Variants in HOXC4 observed in about 807,000 individuals in gnomAD.
The protein encoded by HOXC4 is homeobox protein Hox-C4.
A neutral mutation model predicts 25.5 loss-of-function variants in HOXC4; 15 were observed. The ratio of observed to expected loss-of-function variants is 0.59; its 90% CI spans 0.39 to 0.91. The LOEUF is 0.91. HOXC4 is among the 40% of genes least tolerant of loss of function. HOXC4 has a pLI of 0.00. For synonymous variants in HOXC4, 165 were observed against 148.0 expected, an observed-to-expected ratio of 1.11 and a Z score of -0.83; for missense variants, 342 against 352.4, an observed-to-expected ratio of 0.97 and a Z score of 0.24.
chr12:54,028,541 A>G, intron 1 of HOXC4: 2 of 1,613,810 alleles, frequency 1.2e-6, no homozygotes, highest in Non-Finnish European at 1.7e-6. Flanking sequence ...TACTTCACTA[A>G]CCCTTCCTTA....
intron 1 of HOXC4, among the ~76,000 whole-genome samples, chr12:54,043,833 G>T (rs1592244450): frequency 6.6e-6 from 1 of 151,996 alleles, no homozygotes; most frequent in African/African-American, 2.4e-5. Flanking sequence ...AAACTCCTCA[G>T]GGCTCCCTTG....
rs1937968874 is a variant in HOXC4, at chr12:54,055,827, G to C, written c.*622G>C. 6.6e-6 allele frequency: 1 copy of C among 152,594 alleles called. No homozygotes were observed. The highest frequency in any genetic ancestry group is 6.5e-5 in the Admixed American group (1 of 15,276). 9.5% of individuals were successfully genotyped at this position (152,594 alleles called of 1,614,324 possible). ...CTGGAGAGCCTCTCAGAGCTGTTCA[G>C]TTTGAGGAGCCAAAAGAAAATCAAA... On this transcript the variant is annotated 3_prime_UTR_variant, in exon 2 of 2. Transcript: ENST00000430889.
chr12:54,054,456 C>A, intron 1 of HOXC4, 95 bp downstream of exon 1: 1 of 769,748 alleles, frequency 1.3e-6, no homozygotes, highest in Non-Finnish European at 2.0e-6. Flanking sequence ...CCTCCTTTCT[C>A]TCCTTCCCCC....
At chr12:54,042,004 G>T in intron 1 of HOXC4, among the ~76,000 whole-genome samples, 1 of 135,812 alleles carries the variant, frequency 7.4e-6, no homozygotes, top group Non-Finnish European at 1.6e-5. Context: ...TTGAGATGGA[G>T]TTTCACTCTT....
chr12:54,054,391 TC>T, intron 1 of HOXC4, 30 bp downstream of exon 1: 1 of 1,031,410 alleles, frequency 9.7e-7, no homozygotes, highest in Non-Finnish European at 1.3e-6. Flanking sequence ...GCTCCCCCCC[TC>T]CCTCCCTTCT....
chr12:54,030,500 G>A (rs529935955), intron 1 of HOXC4: 1 of 152,886 alleles, frequency 6.5e-6, no homozygotes, highest in South Asian at 2.1e-4. Flanking sequence ...GCCCAGCCCA[G>A]GCAAATTGTA....
At chr12:54,036,260 C>A (rs901284267) in intron 1 of HOXC4, among the ~76,000 whole-genome samples, 56 of 152,210 alleles carry the variant, frequency 3.7e-4, no homozygotes, top group African/African-American at 1.3e-3. Context: ...ACTGCATTTC[C>A]TCTCCCACCT....
At chr12:54,034,856 G>A (rs1941141185) in intron 1 of HOXC4, 5 of 291,298 alleles carry the variant, frequency 1.7e-5, no homozygotes, top group South Asian at 1.5e-4. Flanking sequence ...GTTAAGGTGG[G>A]CCCGGCCCGC....
At chr12:54,040,682 G>C (rs1431616365) in intron 1 of HOXC4, among the ~76,000 whole-genome samples, 1 of 152,214 alleles carries the variant, frequency 6.6e-6, no homozygotes, top group Non-Finnish European at 1.5e-5. Context: ...AGCAAATACA[G>C]ATATGAACTC....
chr12:54,022,933 A>G (rs779731280), intron 1 of HOXC4, among the ~76,000 whole-genome samples: 13 of 152,166 alleles, frequency 8.5e-5, no homozygotes, highest in Non-Finnish European at 1.3e-4. Flanking sequence ...CACACCCCCT[A>G]TTGCGGCTTC....
rs867979612 is a variant in HOXC4 at position 54,029,418 on chromosome 12, C to A, written c.-124+12004C>A. On this transcript the variant is annotated intron_variant, in intron 1 of 3. Coordinates refer to the HOXC4 transcript ENST00000303406. ...CTTTTGCCCCGCCCCCCCGCCCCCC[C>A]CCCCACCACACACCTTTCTTTGGGA... 2.1e-4 allele frequency among the ~76,000 whole-genome samples: 29 copies of A among 140,658 alleles called. No homozygotes were observed. In the South Asian group the frequency reaches 6.9e-3, roughly 34 times the overall value. 92.3% of individuals were successfully genotyped at this position (140,658 alleles called of 152,430 possible). A position where few individuals can be genotyped will look rare whatever the true frequency, so the allele number is the denominator to read the frequency against.
chr12:54,049,741 AACACATACACACACACACACACAC>A (rs1937800445), upstream of HOXC4, among the ~76,000 whole-genome samples: 1 of 93,796 alleles, frequency 1.1e-5, no homozygotes, highest in African/African-American at 4.6e-5. Context: ...GAAAGGGACA[AACACATACACACACACACACACAC>A]ACACACACAC....
chr12:54,048,288 C>T (rs1937765598), intron 1 of HOXC4, among the ~76,000 whole-genome samples: 2 of 151,982 alleles, frequency 1.3e-5, no homozygotes, highest in African/African-American at 2.4e-5. Flanking sequence ...GCCCAGGAGA[C>T]CGCGCTCTCC....
chr12:54,034,227 C>A (rs2071449), intron 1 of HOXC4: 529,963 of 1,509,892 alleles, frequency 0.35, 95,976 homozygotes, highest in East Asian at 0.43. Context: ...GACGGGGGAA[C>A]GCTGCAAGCT....
At chr12:54,027,500 C>A (rs1940772655) in intron 1 of HOXC4, among the ~76,000 whole-genome samples, 2 of 152,216 alleles carry the variant, frequency 1.3e-5, no homozygotes, top group African/African-American at 4.8e-5. Context: ...ATAATAAATT[C>A]TCACCAACAT....
At chr12:54,034,569 CTA>C (rs1555186018) in intron 1 of HOXC4, 2 of 1,273,730 alleles carry the variant, frequency 1.6e-6, no homozygotes, top group Non-Finnish European at 2.2e-6. Context: ...CCTTTCCTCT[CTA>C]TATTTCGGGT....
At chr12:54,029,759 C>G in intron 1 of HOXC4, 1 of 1,614,144 alleles carries the variant, frequency 6.2e-7, no homozygotes, top group Non-Finnish European at 8.5e-7. Flanking sequence ...CCTAACGCGG[C>G]GCCGGCGCAT....
intron 1 of HOXC4, chr12:54,034,484 G>T: frequency 6.2e-7 from 1 of 1,613,628 alleles, no homozygotes; most frequent in East Asian, 2.2e-5. Flanking sequence ...AAGCAAAGAG[G>T]CTCTTTAGAG....
intron 1 of HOXC4, 65 bp downstream of exon 1, chr12:54,054,426 C>G (rs1937924626): frequency 8.8e-7 from 1 of 1,133,526 alleles, no homozygotes; most frequent in African/African-American, 1.6e-5. Flanking sequence ...CCACCCTCCT[C>G]GGCCCCCTCT....
Sources: allele counts gnomAD v4.1 joint callset (sites outside exome capture counted in the v4.1 genomes callset), GRCh38; gene constraint gnomAD v4.1.1; transcripts MANE v1.5; gene names NCBI Gene and HGNC (gene_info 2026-07-23, HGNC 2026-07-21).